Variants in LMO7 observed in about 807,000 individuals in gnomAD.
LMO7 encodes the protein LIM domain only protein 7.
In LMO7, 120 loss-of-function variants were observed where a neutral mutation model predicts 206.5. The observed-to-expected ratio is 0.58, with a 90% CI of 0.50 to 0.68. The LOEUF is 0.68. Ranked by LOEUF, LMO7 falls within the 30% of genes least tolerant of loss-of-function variation. LMO7 has a pLI of 0.00. For synonymous variants in LMO7, 706 were observed against 681.5 expected (o/e 1.04, Z -0.56); for missense variants, 1,959 against 1,957.9 (o/e 1.00, Z -0.01).
In LMO7 at chr13:75,678,546, C is replaced by T. The variant is rs976088340; in HGVS notation, c.70-34636C>T. Among the ~76,000 whole-genome samples, 3 of 152,050 alleles carry T rather than the reference C, an allele frequency of 2.0e-5. No individual in the cohort carries two copies. In the East Asian group the frequency reaches 5.8e-4, roughly 29 times the overall value. ...AAAGCTCTCAGATGGTGATGGTGGCCCTTGAGAGATGGGGACAGGATTTAC... is the reference window on the plus strand; with the variant it reads ...AAAGCTCTCAGATGGTGATGGTGGCTCTTGAGAGATGGGGACAGGATTTAC... On this transcript the variant is annotated intron_variant, in intron 1 of 30. Coordinates refer to ENST00000377534, the MANE Select transcript of LMO7 (RefSeq NM_001306080.2).
chr13:75,672,335 G>A (rs1338207039), intron 1 of LMO7, among the ~76,000 whole-genome samples: 4 of 150,438 alleles, frequency 2.7e-5, no homozygotes, highest in East Asian at 2.0e-4. Flanking sequence ...TCTGCCTCCC[G>A]GGTTCAAGCA....
intron 4 of LMO7, among the ~76,000 whole-genome samples, chr13:75,779,915 A>G (rs1335568950): frequency 6.6e-6 from 1 of 152,040 alleles, no homozygotes; most frequent in Non-Finnish European, 1.5e-5. Flanking sequence ...AAAGAGATAA[A>G]TTTTAAAGCT....
chr13:75,770,953 T>C (rs2049565415), intron 4 of LMO7, among the ~76,000 whole-genome samples: 2 of 152,094 alleles, frequency 1.3e-5, no homozygotes, highest in African/African-American at 4.8e-5. Context: ...TCTCCCAGTA[T>C]GTTGTCTAAA....
chr13:75,681,638 G>A (rs1443026694), intron 1 of LMO7, among the ~76,000 whole-genome samples: 1 of 146,012 alleles, frequency 6.8e-6, no homozygotes, highest in Non-Finnish European at 1.5e-5. Flanking sequence ...CCCCTGATCT[G>A]CTTTTAGTCC....
intron 2 of LMO7, among the ~76,000 whole-genome samples, chr13:75,717,267 G>C (rs1248905198): frequency 3.3e-5 from 5 of 151,514 alleles, no homozygotes; most frequent in African/African-American, 1.2e-4. Flanking sequence ...GGAGGCTGAG[G>C]CAGGAGAATG....
At chr13:75,844,634 C>T (rs916598567) in intron 25 of LMO7, among the ~76,000 whole-genome samples, 16 of 152,038 alleles carry the variant, frequency 1.1e-4, no homozygotes, top group Admixed American at 3.9e-4. Flanking sequence ...GCTTCAAACT[C>T]CTGACCTCAA....
chr13:75,655,433 A>T (rs1399031878), intron 1 of LMO7, among the ~76,000 whole-genome samples: 3 of 152,022 alleles, frequency 2.0e-5, no homozygotes, highest in Non-Finnish European at 1.5e-5. Context: ...ACTCAGTGAT[A>T]TTTATTCTAT....
At chr13:75,738,861 C>T (rs1176698562) in intron 3 of LMO7, among the ~76,000 whole-genome samples, 3 of 152,178 alleles carry the variant, frequency 2.0e-5, no homozygotes, top group South Asian at 2.1e-4. Flanking sequence ...AGTCATTAAC[C>T]CCAAAACCTA....
At chr13:75,762,662 C>T (rs2048348138) in intron 4 of LMO7, among the ~76,000 whole-genome samples, 1 of 152,132 alleles carries the variant, frequency 6.6e-6, no homozygotes. Context: ...CAAACTGAAA[C>T]TGCGAGGTCA....
chr13:75,628,115 G>T (rs976323917), intron 2 of LMO7: 2 of 152,158 alleles, frequency 1.3e-5, no homozygotes, highest in Non-Finnish European at 2.9e-5. Flanking sequence ...TGAGACAAAG[G>T]TCGATAAGAA....
intron 3 of LMO7, among the ~76,000 whole-genome samples, chr13:75,747,247 T>TA (rs1327707786): frequency 3.3e-5 from 5 of 152,214 alleles, no homozygotes; most frequent in African/African-American, 1.2e-4. Context: ...ACCTCACTGA[T>TA]ACCATCATAG....
At chr13:75,730,974 T>C (rs1405656344) in intron 3 of LMO7, among the ~76,000 whole-genome samples, 1 of 151,672 alleles carries the variant, frequency 6.6e-6, no homozygotes, top group Non-Finnish European at 1.5e-5. Flanking sequence ...TCTAGTTTGA[T>C]TGCCCTGTGG....
At chr13:75,819,925 A>C (rs1224064734) in intron 13 of LMO7, among the ~76,000 whole-genome samples, 1 of 152,196 alleles carries the variant, frequency 6.6e-6, no homozygotes, top group Non-Finnish European at 1.5e-5. Flanking sequence ...AAATATAACG[A>C]AGTTCTTTTT....
chr13:75,789,925 T>G (rs560974524), intron 4 of LMO7, among the ~76,000 whole-genome samples: 98 of 152,230 alleles, frequency 6.4e-4, no homozygotes, highest in African/African-American at 1.7e-3. Flanking sequence ...CCTCAGATTT[T>G]GGAAAATTTA....
chr13:75,815,325 A>G (rs920576163), intron 11 of LMO7, among the ~76,000 whole-genome samples: 13 of 152,150 alleles, frequency 8.5e-5, no homozygotes, highest in African/African-American at 3.1e-4. Flanking sequence ...GTTATGTTCT[A>G]GATATATTTA....
rs368583125 is a variant in LMO7 at position 75,840,511 on chromosome 13, G to A, written c.3582+16G>A. ...CCTACTGCAGGTAGCTCTGGCTCAC[G>A]TGGACGGGTAGAAACTAGGTTGGAT... On this transcript the variant is annotated intron_variant, in intron 22 of 30. Transcript: ENST00000377534. 20 of 1,612,272 alleles carry A rather than the reference G, an allele frequency of 1.2e-5. No homozygotes were observed. The highest frequency in any genetic ancestry group is 4.0e-5 in the African/African-American group (3 of 74,910).
chr13:75,663,674 C>G (rs1447847679), intron 1 of LMO7, among the ~76,000 whole-genome samples: 1 of 152,080 alleles, frequency 6.6e-6, no homozygotes, highest in Non-Finnish European at 1.5e-5. Context: ...TTGTGATCCA[C>G]CCGCCTCGGC....
Position 75,646,519 on chromosome 13 carries a change from C to T in LMO7, c.69+9793C>T, listed in dbSNP as rs117516202. ...CTATCTCATCTCCACCCCCACTCTT[C>T]GACTTGCTTACTGTGCTCATACTGG... On this transcript the variant is annotated intron_variant, in intron 1 of 30. Coordinates refer to ENST00000377534, the MANE Select transcript of LMO7 (RefSeq NM_001306080.2). Among the ~76,000 whole-genome samples the T allele has an allele frequency of 8.4e-4, 127 of 152,076 alleles. 2 individuals carry two copies. The East Asian group carries it at 0.024, about 28-fold the overall frequency.
At chr13:75,719,310 T>C (rs554499655) in intron 2 of LMO7, among the ~76,000 whole-genome samples, 1 of 152,296 alleles carries the variant, frequency 6.6e-6, no homozygotes, top group African/African-American at 2.4e-5. Flanking sequence ...TGAATAACGT[T>C]CTACTGTCTG....
Sources: gnomAD v4.1 joint callset for allele counts (sites outside exome capture counted in the v4.1 genomes callset) on GRCh38, gnomAD v4.1.1 for gene constraint, MANE v1.5 for transcripts, NCBI Gene and HGNC (gene_info 2026-07-23, HGNC 2026-07-21) for gene names.